ZWILCH: variants seen among roughly 807,000 people sequenced by gnomAD.
The protein encoded by ZWILCH is protein zwilch homolog.
Under a neutral mutation model 79.9 loss-of-function variants are expected in ZWILCH, and 74 were observed. That is an observed-to-expected ratio of 0.93 (90% CI 0.77 to 1.12). The LOEUF (loss-of-function observed/expected upper bound fraction) is 1.12, where lower values mean the gene tolerates loss of function less well. Ranked by LOEUF, ZWILCH falls within the 50% of genes most tolerant of loss-of-function variation. The pLI is 0.00. For synonymous variants in ZWILCH, 241 were observed against 228.2 expected (o/e 1.06, Z -0.51); for missense variants, 694 against 687.5 (o/e 1.01, Z -0.11).
At chr15:66,525,695 T>C (rs1251011091) in intron 8 of ZWILCH, among the ~76,000 whole-genome samples, 4 of 151,870 alleles carry the variant, frequency 2.6e-5, no homozygotes, top group African/African-American at 9.7e-5. Flanking sequence ...CCAAACTCCA[T>C]GCCCCAAGTT....
chr15:66,549,956 G>T lies in ZWILCH; in HGVS notation c.*1632G>T. On this transcript the variant is annotated 3_prime_UTR_variant, in exon 19 of 19. Transcript: ENST00000307897. ...AGTTTTGGAAGATTGACTTCAAGTAGAGCCACATTTTGAGATTTTGAAAAT... is the reference window on the plus strand; with the variant it reads ...AGTTTTGGAAGATTGACTTCAAGTATAGCCACATTTTGAGATTTTGAAAAT... The T allele has an allele frequency of 1.1e-6, 1 of 874,212 alleles. No individual in the cohort carries two copies. The highest frequency in any genetic ancestry group is 1.7e-6 in the Non-Finnish European group (1 of 593,804). The allele number at this position is 874,212 out of a possible 1,614,324, so 54.2% of individuals were successfully genotyped here. A position where few individuals can be genotyped will look rare whatever the true frequency, so the allele number is the denominator to read the frequency against.
At chr15:66,525,707 G>T (rs12916494) in intron 8 of ZWILCH, among the ~76,000 whole-genome samples, 21,629 of 149,586 alleles carry the variant, frequency 0.14, 2,587 homozygotes, top group African/African-American at 0.33. Context: ...CCCCAAGTTC[G>T]CCTATGCTCC....
At position 66,540,221 on chromosome 15, in the gene ZWILCH, T is replaced by C; in HGVS notation, c.1687+11T>C. On this transcript the variant is annotated intron_variant, in intron 17 of 18. Coordinates refer to ENST00000307897, the MANE Select transcript of ZWILCH (RefSeq NM_017975.5). ...ATTTTCACAAACCTGGTAAAGATGG[T>C]TTATAATCTGTTCAGATAAATAATT... is the stretch of plus-strand genomic sequence containing the variant. 3.2e-6 allele frequency: 5 copies of C among 1,581,428 alleles called. No individual in the cohort carries two copies. Among genetic ancestry groups the C allele is most frequent in the Non-Finnish European group, 4.3e-6 (5 of 1,152,590 alleles).
At chr15:66,509,023 T>C in intron 2 of ZWILCH, 131 bp downstream of exon 2, 3 of 919,934 alleles carry the variant, frequency 3.3e-6, no homozygotes, top group Non-Finnish European at 4.8e-6. Context: ...CACTGCAAGC[T>C]CCGGCTCCCG....
At chr15:66,508,137 G>A (rs556126737) in intron 1 of ZWILCH, among the ~76,000 whole-genome samples, 2 of 152,290 alleles carry the variant, frequency 1.3e-5, no homozygotes, top group Admixed American at 6.5e-5. Flanking sequence ...AAACAGTTCT[G>A]TTGGGTTCCT....
Position 66,546,679 on chromosome 15 carries a change from A to T in ZWILCH, c.1776A>T (p.Ter592CysextTer20). ...MVTCSQVHFK[*>C] ...CCTGCAGCCAGGTGCATTTCAAGTG[A>T]AGTGTGCTGATGAAGTCCTCTATAA... is the stretch of plus-strand genomic sequence containing the variant. The change falls in exon 18 of 19, where the codon TGA (stop) becomes TGT (cysteine). Residue 592 changes from the stop codon to cysteine, a stop_lost. Coordinates refer to ENST00000307897, the MANE Select transcript of ZWILCH (RefSeq NM_017975.5). The T allele has an allele frequency of 2.5e-6, 4 of 1,603,112 alleles. No individual in the cohort carries two copies. Among genetic ancestry groups the T allele is most frequent in the Non-Finnish European group, 3.4e-6 (4 of 1,174,434 alleles).
At chr15:66,534,667 A>G (rs1307447512) in intron 14 of ZWILCH, among the ~76,000 whole-genome samples, 1 of 152,202 alleles carries the variant, frequency 6.6e-6, no homozygotes, top group Non-Finnish European at 1.5e-5. Flanking sequence ...GTACAGTAAA[A>G]ATAACGTACA....
intron 7 of ZWILCH, among the ~76,000 whole-genome samples, chr15:66,521,653 A>T (rs1894497473): frequency 6.6e-6 from 1 of 151,922 alleles, no homozygotes; most frequent in Admixed American, 6.6e-5. Context: ...ACGCCACCAC[A>T]CCTAATTTTT....
At position 66,521,040 on chromosome 15, in the gene ZWILCH, C is replaced by T. The variant is rs746551972; in HGVS notation, c.592-10C>T. On this transcript the variant is annotated splice_polypyrimidine_tract_variant and intron_variant, in intron 6 of 18. Transcript: ENST00000307897. Reference sequence around the variant, plus strand: ...ACAGCTAAATGATCTGCTGGGTACACTCTTTTCAGGTAACATCCAAAGGCT... The same window carrying T: ...ACAGCTAAATGATCTGCTGGGTACATTCTTTTCAGGTAACATCCAAAGGCT... 10 of 1,613,728 alleles carry T rather than the reference C, an allele frequency of 6.2e-6. No homozygotes were observed. In the East Asian group the frequency reaches 2.2e-4, roughly 36 times the overall value.
intron 2 of ZWILCH, among the ~76,000 whole-genome samples, chr15:66,509,225 C>A (rs1235801636): frequency 6.6e-6 from 1 of 152,180 alleles, no homozygotes; most frequent in East Asian, 1.9e-4. Context: ...CAGGCTTGAA[C>A]CACCGCGCCC....
rs765826907 is a variant in ZWILCH at position 66,548,580 on chromosome 15, C to A, written c.*256C>A. Reference sequence around the variant, plus strand: ...CAGTGGGTACCACGATCTCCGTAACCATTTGCATGTGACTTAGCAAGGGCT... The same window carrying A: ...CAGTGGGTACCACGATCTCCGTAACAATTTGCATGTGACTTAGCAAGGGCT... On this transcript the variant is annotated 3_prime_UTR_variant, in exon 19 of 19. Transcript: ENST00000307897. 6.2e-7 allele frequency: 1 copy of A among 1,610,684 alleles called. No individual in the cohort carries two copies. The highest frequency in any genetic ancestry group is 8.5e-7 in the Non-Finnish European group (1 of 1,176,928).
chr15:66,533,415 G>A (rs1358546735), intron 14 of ZWILCH, among the ~76,000 whole-genome samples: 1 of 151,862 alleles, frequency 6.6e-6, no homozygotes, highest in Admixed American at 6.6e-5. Flanking sequence ...TATACTTTTG[G>A]GTTTCAGGGT....
chr15:66,543,648 T>C (rs1878281244), intron 17 of ZWILCH, among the ~76,000 whole-genome samples: 1 of 152,076 alleles, frequency 6.6e-6, no homozygotes, highest in Non-Finnish European at 1.5e-5. Flanking sequence ...TTCTAGCTAC[T>C]TGGGAGGCTG....
At chr15:66,522,196 T>TC (rs1894520196) in intron 7 of ZWILCH, among the ~76,000 whole-genome samples, 1 of 151,450 alleles carries the variant, frequency 6.6e-6, no homozygotes, top group Admixed American at 6.6e-5. Context: ...AGACTCTGTC[T>TC]CAAAAAAAAA....
At chr15:66,533,227 T>TTATA (rs1894908088) in intron 14 of ZWILCH, among the ~76,000 whole-genome samples, 1 of 152,186 alleles carries the variant, frequency 6.6e-6, no homozygotes, top group African/African-American at 2.4e-5. Context: ...TTTGTGATAC[T>TTATA]TATATATAGT....
At chr15:66,507,838 C>T (rs1281173408) in intron 1 of ZWILCH, among the ~76,000 whole-genome samples, 1 of 150,892 alleles carries the variant, frequency 6.6e-6, no homozygotes, top group Non-Finnish European at 1.5e-5. Context: ...GAGGCTGAGG[C>T]AGGAGAATGG....
At chr15:66,545,335 C>CAA (rs1307544970) in intron 17 of ZWILCH, among the ~76,000 whole-genome samples, 1 of 151,982 alleles carries the variant, frequency 6.6e-6, no homozygotes, top group East Asian at 1.9e-4. Context: ...GCCTGGGCAG[C>CAA]AATAGCAAAA....
At chr15:66,509,821 A>T in intron 2 of ZWILCH, among the ~76,000 whole-genome samples, 1 of 51,624 alleles carries the variant, frequency 1.9e-5, no homozygotes, top group Non-Finnish European at 4.4e-5. Context: ...GTGTGTGGCT[A>T]CATATATATA....
chr15:66,533,161 C>T (rs1017980930), intron 14 of ZWILCH, 148 bp downstream of exon 14: 14 of 452,004 alleles, frequency 3.1e-5, no homozygotes, highest in African/African-American at 2.4e-4. Context: ...TTATTACTGC[C>T]TAGTAAGATA....
Sources: gnomAD v4.1 joint callset for allele counts (sites outside exome capture counted in the v4.1 genomes callset) on GRCh38, gnomAD v4.1.1 for gene constraint, MANE v1.5 for transcripts, NCBI Gene and HGNC (gene_info 2026-07-23, HGNC 2026-07-21) for gene names.